Variants in NPTX1 observed in about 807,000 individuals in gnomAD.
NPTX1 encodes the protein neuronal pentraxin 1, also known as neuronal pentraxin-1.
In NPTX1, 12 loss-of-function variants were observed where a neutral mutation model predicts 38.7. The ratio of observed to expected loss-of-function variants is 0.31; its 90% CI spans 0.20 to 0.50. NPTX1 has a LOEUF of 0.50. NPTX1 is among the 20% of genes least tolerant of loss of function. The probability of loss-of-function intolerance (pLI) is 0.98; values close to 1 mark genes in which losing one functional copy is unlikely to be tolerated. For missense variants in NPTX1, 454 were observed against 592.2 expected, an observed-to-expected ratio of 0.77 and a Z score of 2.42; for synonymous variants, 272 against 264.9, an observed-to-expected ratio of 1.03 and a Z score of -0.26.
rs780768451 is a variant in NPTX1 at position 80,475,545 on chromosome 17, G to A, written c.618C>T (p.Thr206=). The A allele has an allele frequency of 1.9e-6, 3 of 1,612,636 alleles. No individual in the cohort carries two copies. The highest frequency in any genetic ancestry group is 2.5e-6 in the Non-Finnish European group (3 of 1,179,894). The part of the protein sequence containing the change: ...EERVKIETAL[T]SLHQRISELE... ...GCTCGCTGATCCGCTGGTGCAGGGA[G>A]GTCAGGGCGGTCTCGATCTTGACCC... is the stretch of plus-strand genomic sequence containing the variant. Residue 206 remains threonine, a synonymous_variant, in exon 2 of 5, where the codon ACC becomes ACT. Coordinates refer to ENST00000306773, the MANE Select transcript of NPTX1 (RefSeq NM_002522.4). The surrounding 1 kb of genome is among the most constrained non-coding windows in gnomAD (Gnocchi z 6.5).
Position 80,469,144 on chromosome 17 carries a change from A to G in NPTX1, c.*1669T>C, listed in dbSNP as rs564175198. On this transcript the variant is annotated 3_prime_UTR_variant, in exon 5 of 5. Transcript: ENST00000306773. ...TGTTTAAGGGGACAGGTGGCCCTAG[A>G]AGGAACAGAAGACAGAAACACCTGC... 6.6e-6 allele frequency: 1 copy of G among 152,598 alleles called. No homozygotes were observed. The highest frequency in any genetic ancestry group is 2.1e-4 in the South Asian group (1 of 4,820). The allele number at this position is 152,598 out of a possible 1,614,324, so 9.5% of individuals were successfully genotyped here.
At chr17:80,473,571 G>A (rs762914420) in intron 2 of NPTX1, 127 bp from the exon 3 acceptor site, 8 of 946,056 alleles carry the variant, frequency 8.5e-6, no homozygotes, top group Admixed American at 2.0e-5. Context: ...TTCTGGAGAC[G>A]CAGAGCGGGT....
chr17:80,476,480 G>T lies in NPTX1; in HGVS notation c.-34C>A, dbSNP rs1206893012. On this transcript the variant is annotated 5_prime_UTR_variant, in exon 1 of 5. Transcript: ENST00000306773. The surrounding 1 kb of genome is among the most constrained non-coding windows in gnomAD (Gnocchi z 6.3). ...GCACCGGGCGCTCCGGGCCCGGCTC[G>T]GCTCGGCTGGGGCTCGGCTCCGGCT... 1.3e-5 allele frequency: 15 copies of T among 1,150,074 alleles called. No individual in the cohort carries two copies. In the African/African-American group the frequency reaches 2.1e-4, roughly 16 times the overall value. 71.2% of individuals were successfully genotyped at this position (1,150,074 alleles called of 1,614,324 possible). A position where few individuals can be genotyped will look rare whatever the true frequency, so the allele number is the denominator to read the frequency against.
Position 80,468,708 on chromosome 17 carries a change from A to T in NPTX1, c.*2105T>A, listed in dbSNP as rs1450426413. ...GAGCTCTCTCTTGACCTCCTCCAAC[A>T]CCCTTGACTTGCTTACCCAGCCATT... On this transcript the variant is annotated 3_prime_UTR_variant, in exon 5 of 5. Coordinates refer to ENST00000306773, the MANE Select transcript of NPTX1 (RefSeq NM_002522.4). 6.6e-6 allele frequency: 1 copy of T among 151,974 alleles called. No individual in the cohort carries two copies. Among genetic ancestry groups the T allele is most frequent in the Non-Finnish European group, 1.5e-5 (1 of 68,002 alleles). The allele number at this position is 151,974 out of a possible 1,614,324, so 9.4% of individuals were successfully genotyped here.
At chr17:80,471,331 G>T (rs1396850365) in intron 4 of NPTX1, among the ~76,000 whole-genome samples, 4 of 152,172 alleles carry the variant, frequency 2.6e-5, no homozygotes, top group Non-Finnish European at 5.9e-5. Flanking sequence ...CACAGCAGCT[G>T]GGCCTGGGGC....
rs2083876741 is a variant in NPTX1, at chr17:80,475,738, G to A, written c.445-20C>T. ...GTACTGCTGCGGGGTGCAAGGGCGG[G>A]GGAAACCACACCGTTAGGCGAGGCG... On this transcript the variant is annotated intron_variant, in intron 1 of 4. Transcript: ENST00000306773. The surrounding 1 kb of genome is among the most constrained non-coding windows in gnomAD (Gnocchi z 6.5). 1 of 1,576,354 alleles carries A rather than the reference G, an allele frequency of 6.3e-7. No individual in the cohort carries two copies. The highest frequency in any genetic ancestry group is 8.7e-7 in the Non-Finnish European group (1 of 1,152,414).
chr17:80,476,265 A>T lies in NPTX1; in HGVS notation c.182T>A (p.Leu61His). Reference sequence around the variant, plus strand: ...CTTCTGCTGCAGCACCGTCTCGCGGAGCTGCAGCACGCTGCTCCGGAGCTC... The same window carrying T: ...CTTCTGCTGCAGCACCGTCTCGCGGTGCTGCAGCACGCTGCTCCGGAGCTC... ...AEELRSSVLQLRETVLQQKET... is the reference protein window; with the variant it reads ...AEELRSSVLQHRETVLQQKET... Residue 61 changes from leucine (L) to histidine (H), a missense_variant, in exon 1 of 5, where the codon CTC becomes CAC. Physicochemically the swap from Leu to His is moderately conservative, Grantham distance 99. Coordinates refer to ENST00000306773, the MANE Select transcript of NPTX1 (RefSeq NM_002522.4). This position sits in a 1 kb window ranked among gnomAD's most constrained non-coding sequence, Gnocchi z 6.3. 1 of 1,554,412 alleles carries T rather than the reference A, an allele frequency of 6.4e-7. No individual in the cohort carries two copies. Among genetic ancestry groups the T allele is most frequent in the Non-Finnish European group, 8.6e-7 (1 of 1,159,454 alleles).
chr17:80,468,922 G>A lies in NPTX1; in HGVS notation c.*1891C>T, dbSNP rs890536936. On this transcript the variant is annotated 3_prime_UTR_variant, in exon 5 of 5. Transcript: ENST00000306773. ...GATGCCACAACCCGACGGGCGCTGA[G>A]GAAGCACGATTATCTAAGAAAAAGC... 2 of 152,254 alleles carry A rather than the reference G, an allele frequency of 1.3e-5. No homozygotes were observed. The highest frequency in any genetic ancestry group is 2.4e-5 in the African/African-American group (1 of 41,448). 9.4% of individuals were successfully genotyped at this position (152,254 alleles called of 1,614,324 possible).
Position 80,476,123 on chromosome 17 carries a change from G to A in NPTX1, c.324C>T (p.Arg108=). The A allele has an allele frequency of 6.3e-7, 1 of 1,599,428 alleles. No individual in the cohort carries two copies. Among genetic ancestry groups the A allele is most frequent in the South Asian group, 1.1e-5 (1 of 90,630 alleles). Residue 108 remains arginine (R), a synonymous_variant, in exon 1 of 5, where the codon CGC becomes CGT. Transcript: ENST00000306773. The surrounding 1 kb of genome is among the most constrained non-coding windows in gnomAD (Gnocchi z 6.3). Reference sequence around the variant, plus strand: ...TGTTCTTGCCCGAGCCGGGCTGCTTGCGGCCGCCGCCCGCCCGGGCCTCGC... The same window carrying A: ...TGTTCTTGCCCGAGCCGGGCTGCTTACGGCCGCCGCCCGCCCGGGCCTCGC... The part of the protein sequence containing the change: ...GAGEARAGGG[R]KQPGSGKNTM...
intron 2 of NPTX1, chr17:80,473,709 G>T (rs2083856204): frequency 2.0e-6 from 1 of 496,226 alleles, no homozygotes; most frequent in Non-Finnish European, 3.7e-6. Context: ...GGAGATGGGG[G>T]TGGGGGGCAG....
At position 80,475,942 on chromosome 17, in the gene NPTX1, G is replaced by C. The variant is rs1461198975; in HGVS notation, c.444+61C>G. The C allele has an allele frequency of 3.6e-6, 5 of 1,392,180 alleles. No individual in the cohort carries two copies. Among genetic ancestry groups the C allele is most frequent in the Admixed American group, 1.7e-5 (1 of 57,742 alleles). 86.2% of individuals were successfully genotyped at this position (1,392,180 alleles called of 1,614,324 possible). ...TGCCTGGCCGGGTAGGGAACGGGGT[G>C]GGGGAGGGCAGAGGGGCGAGCGAGC... On this transcript the variant is annotated intron_variant, in intron 1 of 4. Coordinates refer to ENST00000306773, the MANE Select transcript of NPTX1 (RefSeq NM_002522.4). The surrounding 1 kb of genome is among the most constrained non-coding windows in gnomAD (Gnocchi z 6.5).
Position 80,470,648 on chromosome 17 carries a change from T to C in NPTX1, c.*165A>G. On this transcript the variant is annotated 3_prime_UTR_variant, in exon 5 of 5. Transcript: ENST00000306773. ...CTCAGGGACAGATGGGAGCAGGGGC[T>C]GCTTCGTGTGCATGAGGACAAAACC... The C allele has an allele frequency of 1.7e-6, 1 of 572,318 alleles. No homozygotes were observed. Among genetic ancestry groups the C allele is most frequent in the Non-Finnish European group, 3.1e-6 (1 of 321,312 alleles). The allele number at this position is 572,318 out of a possible 1,614,324, so 35.5% of individuals were successfully genotyped here. A position where few individuals can be genotyped will look rare whatever the true frequency, so the allele number is the denominator to read the frequency against.
chr17:80,471,718 A>G lies in NPTX1; in HGVS notation c.1077+14T>C. ...GAAGCTCTCTCCCCTTCCCCACCAC[A>G]TCCAGCACAGTACCTGCTCCTGGCC... is the stretch of plus-strand genomic sequence containing the variant. On this transcript the variant is annotated intron_variant, in intron 4 of 4. Coordinates refer to ENST00000306773, the MANE Select transcript of NPTX1 (RefSeq NM_002522.4). The G allele has an allele frequency of 6.2e-7, 1 of 1,608,280 alleles. No homozygotes were observed. Among genetic ancestry groups the G allele is most frequent in the Admixed American group, 1.7e-5 (1 of 59,760 alleles).
intron 2 of NPTX1, chr17:80,473,815 G>T (rs2083856961): frequency 7.2e-6 from 2 of 279,694 alleles, no homozygotes; most frequent in Non-Finnish European, 1.4e-5. Context: ...AGGAGCAGGG[G>T]TGGCTGCAGA....
At position 80,469,294 on chromosome 17, in the gene NPTX1, C is replaced by G. The variant is rs995688847; in HGVS notation, c.*1519G>C. ...AGAGTCGGGGTGCCCTCAGGGCGTGCGACCACCAGATGGTGCAAAGCAGGA... is the reference window on the plus strand; with the variant it reads ...AGAGTCGGGGTGCCCTCAGGGCGTGGGACCACCAGATGGTGCAAAGCAGGA... On this transcript the variant is annotated 3_prime_UTR_variant, in exon 5 of 5. Transcript: ENST00000306773. 6.6e-6 allele frequency: 1 copy of G among 152,274 alleles called. No homozygotes were observed. The highest frequency in any genetic ancestry group is 2.4e-5 in the African/African-American group (1 of 41,426). 9.4% of individuals were successfully genotyped at this position (152,274 alleles called of 1,614,324 possible).
At chr17:80,474,390 G>C (rs1487092018) in intron 2 of NPTX1, 1 of 152,292 alleles carries the variant, frequency 6.6e-6, no homozygotes. Context: ...CACACCCCTT[G>C]GTCAATCCCT....
rs1157187621 is a variant in NPTX1, at chr17:80,475,056, C to A, written c.652+455G>T. On this transcript the variant is annotated intron_variant, in intron 2 of 4. Coordinates refer to ENST00000306773, the MANE Select transcript of NPTX1 (RefSeq NM_002522.4). This position sits in a 1 kb window ranked among gnomAD's most constrained non-coding sequence, Gnocchi z 6.5. ...GGCATGGCAGCCGGGAAGAAACCTGCTTAACAGCCTCAGCGGCCCGGGGAA... is the reference window on the plus strand; with the variant it reads ...GGCATGGCAGCCGGGAAGAAACCTGATTAACAGCCTCAGCGGCCCGGGGAA... Among the ~76,000 whole-genome samples, 1 of 152,202 alleles carries A rather than the reference C, an allele frequency of 6.6e-6. No individual in the cohort carries two copies. The highest frequency in any genetic ancestry group is 2.4e-5 in the African/African-American group (1 of 41,452).
Position 80,475,886 on chromosome 17 carries a change from G to T in NPTX1, c.444+117C>A. The stretch of plus-strand genomic sequence containing the variant: ...GCAGGCGCGGGGAGGCACCGGCCGG[G>T]CACCCGCGCGGCTGAGGCGAGGGCG... On this transcript the variant is annotated intron_variant, in intron 1 of 4. Coordinates refer to ENST00000306773, the MANE Select transcript of NPTX1 (RefSeq NM_002522.4). The surrounding 1 kb of genome is among the most constrained non-coding windows in gnomAD (Gnocchi z 6.5). 1 of 920,090 alleles carries T rather than the reference G, an allele frequency of 1.1e-6. No individual in the cohort carries two copies. Among genetic ancestry groups the T allele is most frequent in the Non-Finnish European group, 1.5e-6 (1 of 661,748 alleles). 57.0% of individuals were successfully genotyped at this position (920,090 alleles called of 1,614,324 possible).
rs1246658462 is a variant in NPTX1, at chr17:80,469,421, T to G, written c.*1392A>C. ...CACACACACACAAATGCACATACACTTCTCTCCCCTCCTTGGAAGGACTAG... is the reference window on the plus strand; with the variant it reads ...CACACACACACAAATGCACATACACGTCTCTCCCCTCCTTGGAAGGACTAG... On this transcript the variant is annotated 3_prime_UTR_variant, in exon 5 of 5. Coordinates refer to ENST00000306773, the MANE Select transcript of NPTX1 (RefSeq NM_002522.4). The G allele has an allele frequency of 2.6e-5, 4 of 152,136 alleles. No homozygotes were observed. Among genetic ancestry groups the G allele is most frequent in the Admixed American group, 6.5e-5 (1 of 15,270 alleles). The allele number at this position is 152,136 out of a possible 1,614,324, so 9.4% of individuals were successfully genotyped here.
Sources: gnomAD v4.1 joint callset for allele counts (sites outside exome capture counted in the v4.1 genomes callset) on GRCh38, gnomAD v4.1.1 for gene constraint, Gnocchi (gnomAD v3.1) non-coding constraint, MANE v1.5 for transcripts, NCBI Gene and HGNC (gene_info 2026-07-23, HGNC 2026-07-21) for gene names.